IQSEC1: variants seen among roughly 807,000 people sequenced by gnomAD.
The protein encoded by IQSEC1 is IQ motif and SEC7 domain-containing protein 1.
In IQSEC1, 31 loss-of-function variants were observed where a neutral mutation model predicts 91.0. The ratio of observed to expected loss-of-function variants is 0.34; its 90% CI spans 0.26 to 0.46. The LOEUF (loss-of-function observed/expected upper bound fraction) is 0.46. Ranked by LOEUF, IQSEC1 falls within the 20% of genes least tolerant of loss-of-function variation. The probability of loss-of-function intolerance (pLI) is 1.00; values close to 1 mark genes in which losing one functional copy is unlikely to be tolerated. For synonymous variants in IQSEC1, 699 were observed against 662.6 expected (o/e 1.05, Z -0.84); for missense variants, 1,388 against 1,575.6 (o/e 0.88, Z 2.02).
intron 1 of IQSEC1, among the ~76,000 whole-genome samples, chr3:13,270,456 T>C (rs1695574271): frequency 6.6e-6 from 1 of 152,190 alleles, no homozygotes; most frequent in Non-Finnish European, 1.5e-5. Context: ...CCTTGGTGCC[T>C]ACCCAGTTTG....
intron 1 of IQSEC1, among the ~76,000 whole-genome samples, chr3:13,065,241 G>C (rs571342225): frequency 6.6e-6 from 1 of 152,216 alleles, no homozygotes; most frequent in Non-Finnish European, 1.5e-5. Flanking sequence ...AAACTGCTCT[G>C]TGTCACCAGC....
chr3:13,267,061 C>T (rs915138162), intron 1 of IQSEC1, among the ~76,000 whole-genome samples: 4 of 152,114 alleles, frequency 2.6e-5, no homozygotes, highest in Non-Finnish European at 2.9e-5. Flanking sequence ...AACTCCTCAT[C>T]CCCAGGGTGA....
chr3:12,916,849 C>T (rs910860242), intron 6 of IQSEC1, among the ~76,000 whole-genome samples: 3 of 152,206 alleles, frequency 2.0e-5, no homozygotes, highest in African/African-American at 7.2e-5. Context: ...CACAGTAAAG[C>T]ACATGGGCCG....
intron 1 of IQSEC1, among the ~76,000 whole-genome samples, chr3:13,208,447 G>A (rs905560400): frequency 6.6e-6 from 1 of 151,970 alleles, no homozygotes; most frequent in Non-Finnish European, 1.5e-5. Context: ...TCCGTCCCTC[G>A]TCCACCTGGT....
rs776962116 is a variant in IQSEC1 at position 12,908,456 on chromosome 3, G to A, written c.2648C>T (p.Ser883Leu). ...MSQCSSLKKE[S>L]GNGTLSRACL... ...GGCCCGGCTCAGTGTTCCGTTGCCC[G>A]ACTCCTTTTTGAGGCTAGAGCACTG... Residue 883 changes from serine to leucine, a missense_variant, in exon 12 of 14, where the codon TCG (serine) becomes TTG (leucine). Around this residue, in one of 2 missense-constraint regions of IQSEC1, gnomAD observed 1,059 missense variants for 1,317.8 expected, o/e 0.80. Transcript: ENST00000613206. This position sits in a 1 kb window ranked among gnomAD's most constrained non-coding sequence, Gnocchi z 4.9. 17 of 1,613,464 alleles carry A rather than the reference G, an allele frequency of 1.1e-5. No individual in the cohort carries two copies. Among genetic ancestry groups the A allele is most frequent in the African/African-American group, 1.3e-5 (1 of 74,906 alleles).
chr3:12,963,764 G>A (rs1189163662), intron 1 of IQSEC1, among the ~76,000 whole-genome samples: 1 of 152,220 alleles, frequency 6.6e-6, no homozygotes, highest in African/African-American at 2.4e-5. Flanking sequence ...TAACCTCAGT[G>A]CTTCTACATC....
chr3:13,250,856 A>C (rs561520319), intron 1 of IQSEC1, among the ~76,000 whole-genome samples: 1 of 151,846 alleles, frequency 6.6e-6, no homozygotes, highest in Admixed American at 6.6e-5. Flanking sequence ...ACTTGCCTGG[A>C]TCATTGCAGT....
At chr3:13,050,424 G>A (rs1217753689) in intron 1 of IQSEC1, among the ~76,000 whole-genome samples, 2 of 152,102 alleles carry the variant, frequency 1.3e-5, no homozygotes, top group Non-Finnish European at 2.9e-5. Context: ...CAATAACAGC[G>A]CCCACCTCCC....
chr3:13,108,150 T>C (rs1188448236), intron 2 of IQSEC1, among the ~76,000 whole-genome samples: 1 of 152,222 alleles, frequency 6.6e-6, no homozygotes, highest in Non-Finnish European at 1.5e-5. Flanking sequence ...GCTATAGAGT[T>C]TTTAGCTTTG....
chr3:13,263,832 C>T (rs954876708), intron 1 of IQSEC1, among the ~76,000 whole-genome samples: 5 of 152,066 alleles, frequency 3.3e-5, no homozygotes, highest in Non-Finnish European at 5.9e-5. Flanking sequence ...GATCCTGGAG[C>T]GCCGGGCTGG....
intron 2 of IQSEC1, among the ~76,000 whole-genome samples, chr3:12,937,840 G>GA (rs938014006): frequency 1.3e-5 from 2 of 152,222 alleles, no homozygotes; most frequent in Admixed American, 6.5e-5. Flanking sequence ...ACATACTCAA[G>GA]AGGCCTTCAG....
In IQSEC1 at chr3:12,967,730, T is replaced by A; in HGVS notation, c.24-25865A>T. On this transcript the variant is annotated intron_variant, in intron 1 of 13. Transcript: ENST00000613206. The surrounding 1 kb of genome is among the most constrained non-coding windows in gnomAD (Gnocchi z 5.9). ...GGGCCGGAGGAATGTGGCCCTGAAG[T>A]GGGCGGGGCAGGGCGGGGGCGGGGC... 12 of 1,069,968 alleles carry A rather than the reference T, an allele frequency of 1.1e-5. No individual in the cohort carries two copies. The highest frequency in any genetic ancestry group is 1.4e-5 in the Non-Finnish European group (12 of 886,884). The allele number at this position is 1,069,968 out of a possible 1,614,324, so 66.3% of individuals were successfully genotyped here.
chr3:13,246,370 T>C (rs1695108342), intron 1 of IQSEC1, among the ~76,000 whole-genome samples: 1 of 151,778 alleles, frequency 6.6e-6, no homozygotes, highest in African/African-American at 2.4e-5. Flanking sequence ...GAATAAGGGG[T>C]TGGTGTTTCA....
chr3:13,057,518 C>A (rs914206084), intron 1 of IQSEC1, among the ~76,000 whole-genome samples: 1 of 152,258 alleles, frequency 6.6e-6, no homozygotes, highest in Non-Finnish European at 1.5e-5. Context: ...ACATGCACAA[C>A]ATGTGCAAGC....
At chr3:13,119,709 G>C (rs992813561) in intron 2 of IQSEC1, among the ~76,000 whole-genome samples, 1 of 152,254 alleles carries the variant, frequency 6.6e-6, no homozygotes, top group African/African-American at 2.4e-5. Context: ...GCTGCACGTG[G>C]GAGCTTCAGG....
intron 1 of IQSEC1, among the ~76,000 whole-genome samples, chr3:13,037,679 C>G (rs58622184): frequency 0.18 from 27,796 of 152,070 alleles, 3,082 homozygotes; most frequent in East Asian, 0.35. Flanking sequence ...TATGATTCAG[C>G]CTTAAAAGGA....
At chr3:13,085,278 G>C (rs1156519208) in intron 2 of IQSEC1, among the ~76,000 whole-genome samples, 1 of 152,102 alleles carries the variant, frequency 6.6e-6, no homozygotes, top group Non-Finnish European at 1.5e-5. Flanking sequence ...GTAGCAGCAA[G>C]GGTGATGTTA....
At chr3:12,999,637 C>T (rs1702346038) in intron 1 of IQSEC1, among the ~76,000 whole-genome samples, 1 of 152,158 alleles carries the variant, frequency 6.6e-6, no homozygotes, top group Non-Finnish European at 1.5e-5. Context: ...CCTTGGCCTC[C>T]GTCCCGCCCC....
intron 1 of IQSEC1, among the ~76,000 whole-genome samples, chr3:13,033,756 A>T (rs1239443814): frequency 1.3e-5 from 2 of 152,068 alleles, no homozygotes; most frequent in African/African-American, 2.4e-5. Context: ...CCTCTTACTG[A>T]TTACTGAGCT....
Sources: allele counts gnomAD v4.1 joint callset (sites outside exome capture counted in the v4.1 genomes callset), GRCh38; gene constraint gnomAD v4.1.1; regional missense constraint gnomAD v4.1.1; non-coding constraint Gnocchi (gnomAD v3.1); transcripts MANE v1.5; gene names NCBI Gene and HGNC (gene_info 2026-07-23, HGNC 2026-07-21).